The following STYK1 variants were observed in gnomAD, a reference collection of about 807,000 sequenced individuals.
STYK1 encodes the protein STY kinase 1, also known as tyrosine-protein kinase STYK1.
A neutral mutation model predicts 48.1 loss-of-function variants in STYK1; 46 were observed. The observed-to-expected ratio is 0.96, with a 90% CI of 0.75 to 1.22. STYK1 has a LOEUF of 1.22. Among genes scored for constraint, STYK1 ranks in the 50% most tolerant of loss-of-function variants. STYK1 has a pLI of 0.00. For synonymous variants in STYK1, 188 were observed against 189.0 expected, an observed-to-expected ratio of 0.99 and a Z score of 0.04; for missense variants, 527 against 521.1, an observed-to-expected ratio of 1.01 and a Z score of -0.11.
Position 10,624,632 on chromosome 12 carries a change from G to T in STYK1, c.926+19C>A. 6.2e-7 allele frequency: 1 copy of T among 1,610,996 alleles called. No individual in the cohort carries two copies. Among genetic ancestry groups the T allele is most frequent in the Non-Finnish European group, 8.5e-7 (1 of 1,178,006 alleles). On this transcript the variant is annotated intron_variant, in intron 8 of 10. Coordinates refer to ENST00000075503, the MANE Select transcript of STYK1 (RefSeq NM_018423.3). ...AAGTCATGAAGAAAGTAAACTCAGAGTCCAGGAATAAACCGTACACATCTG... is the reference window on the plus strand; with the variant it reads ...AAGTCATGAAGAAAGTAAACTCAGATTCCAGGAATAAACCGTACACATCTG...
At chr12:10,638,099 T>A (rs1338300155) in intron 1 of STYK1, among the ~76,000 whole-genome samples, 6 of 152,252 alleles carry the variant, frequency 3.9e-5, no homozygotes, top group African/African-American at 1.4e-4. Context: ...ATGTTATGAA[T>A]AATGAAATCC....
chr12:10,665,487 C>T (rs1947824862), intron 1 of STYK1, among the ~76,000 whole-genome samples: 1 of 152,152 alleles, frequency 6.6e-6, no homozygotes, highest in Non-Finnish European at 1.5e-5. Flanking sequence ...GTTGAATCTC[C>T]ATCTGATGCT....
chr12:10,663,339 G>A lies in STYK1; in HGVS notation c.-195+10627C>T, dbSNP rs140406890. Among the ~76,000 whole-genome samples, 137 of 152,186 alleles carry A rather than the reference G, an allele frequency of 9.0e-4. 1 individual carries two copies. The East Asian group carries it at 0.025, about 27-fold the overall frequency. On this transcript the variant is annotated intron_variant, in intron 1 of 10. Coordinates refer to ENST00000075503, the MANE Select transcript of STYK1 (RefSeq NM_018423.3). Reference sequence around the variant, plus strand: ...TTTAAAATCATTAAAACTTACAGGCGCGGTGGCTCACGCCTGTTATCCCAG... The same window carrying A: ...TTTAAAATCATTAAAACTTACAGGCACGGTGGCTCACGCCTGTTATCCCAG...
In STYK1 at chr12:10,631,151, T is replaced by A. The variant is rs1947423438; in HGVS notation, c.345A>T (p.Glu115Asp). ...KLQVPREQLS[E>D]VLEQICSGSC... ...TACCACTGCAAATCTGCTCCAGAACTTCAGAGAGTTGCTCCCGCGGCACCT... is the reference window on the plus strand; with the variant it reads ...TACCACTGCAAATCTGCTCCAGAACATCAGAGAGTTGCTCCCGCGGCACCT... The change falls in exon 5 of 11, where the codon GAA (glutamate) becomes GAT (aspartate). Residue 115 changes from glutamate (E) to aspartate (D), a missense_variant. Transcript: ENST00000075503. 2 of 1,614,190 alleles carry A rather than the reference T, an allele frequency of 1.2e-6. No homozygotes were observed. Among genetic ancestry groups the A allele is most frequent in the Non-Finnish European group, 1.7e-6 (2 of 1,180,038 alleles).
intron 9 of STYK1, 76 bp downstream of exon 9, chr12:10,622,562 T>C: frequency 6.4e-7 from 1 of 1,550,938 alleles, no homozygotes; most frequent in Non-Finnish European, 8.9e-7. Flanking sequence ...TCAGAAAGCA[T>C]ACATCATCCA....
intron 1 of STYK1, among the ~76,000 whole-genome samples, chr12:10,669,407 C>T (rs923271539): frequency 6.8e-6 from 1 of 147,760 alleles, no homozygotes; most frequent in Non-Finnish European, 1.5e-5. Context: ...CTATACACAG[C>T]AGGCAAAACA....
chr12:10,669,058 C>T (rs551785967), intron 1 of STYK1, among the ~76,000 whole-genome samples: 20 of 152,146 alleles, frequency 1.3e-4, no homozygotes, highest in Non-Finnish European at 2.4e-4. Flanking sequence ...AGTTTAGGGA[C>T]CAGCTATTTT....
At chr12:10,624,597 G>T in intron 8 of STYK1, 54 bp downstream of exon 8, 1 of 1,531,418 alleles carries the variant, frequency 6.5e-7, no homozygotes, top group Non-Finnish European at 9.0e-7. Flanking sequence ...CATATTCAGG[G>T]ACAACACCCA....
chr12:10,668,543 T>A (rs915172500), intron 1 of STYK1, among the ~76,000 whole-genome samples: 2 of 105,336 alleles, frequency 1.9e-5, no homozygotes, highest in African/African-American at 7.5e-5. Context: ...ACCTGGCTTT[T>A]TTTTTTTTTT....
At position 10,621,897 on chromosome 12, in the gene STYK1, G is replaced by C. The variant is rs1470405876; in HGVS notation, c.1043C>G (p.Pro348Arg). The change falls in exon 10 of 11, where the codon CCC becomes CGC. Residue 348 changes from proline (P) to arginine (R), a missense_variant. Pro to Arg is a moderately radical substitution (Grantham distance 103). Transcript: ENST00000075503. ...HLQRRKIMKR[P>R]SSCTHTMYSI... The stretch of plus-strand genomic sequence containing the variant: ...TTACATGGTATGTGTGCAGCTACTG[G>C]GTCTCTTCATGATTTTCCTTCTTTG... The C allele has an allele frequency of 6.2e-7, 1 of 1,613,630 alleles. No individual in the cohort carries two copies. The highest frequency in any genetic ancestry group is 2.2e-5 in the East Asian group (1 of 44,874).
intron 1 of STYK1, among the ~76,000 whole-genome samples, chr12:10,643,493 A>G (rs533734090): frequency 1.2e-4 from 18 of 152,264 alleles, no homozygotes; most frequent in Non-Finnish European, 2.2e-4. Flanking sequence ...CACTTCTACA[A>G]TCTAGTTAGT....
At chr12:10,624,264 AG>A (rs1382716675) in intron 8 of STYK1, among the ~76,000 whole-genome samples, 3 of 150,012 alleles carry the variant, frequency 2.0e-5, no homozygotes, top group Non-Finnish European at 4.4e-5. Context: ...TAAAAAAAAA[AG>A]AAAAAAAAAA....
chr12:10,648,739 A>AT (rs1437507689), intron 1 of STYK1, among the ~76,000 whole-genome samples: 2 of 151,640 alleles, frequency 1.3e-5, no homozygotes, highest in Non-Finnish European at 2.9e-5. Context: ...CTAATTTTTA[A>AT]TTTTTTTGTA....
intron 4 of STYK1, among the ~76,000 whole-genome samples, chr12:10,633,596 G>A (rs748364464): frequency 2.6e-5 from 4 of 151,970 alleles, no homozygotes; most frequent in Admixed American, 6.6e-5. Flanking sequence ...CATATATCCT[G>A]GAGGCAAAGA....
At chr12:10,629,315 A>T (rs973114248) in intron 6 of STYK1, among the ~76,000 whole-genome samples, 178 bp downstream of exon 6, 82 of 152,320 alleles carry the variant, frequency 5.4e-4, no homozygotes, top group African/African-American at 1.9e-3. Flanking sequence ...TACTGGATGG[A>T]GCAGTTATAG....
Position 10,649,075 on chromosome 12 carries a change from A to T in STYK1, c.-194-11879T>A, listed in dbSNP as rs537400618. ...TATGTATGTTTTTTAAAAATGGAAG[A>T]TGTTTCTGAACACACAAGAAAATCT... is the stretch of plus-strand genomic sequence containing the variant. On this transcript the variant is annotated intron_variant, in intron 1 of 10. Transcript: ENST00000075503. Among the ~76,000 whole-genome samples, 675 of 152,282 alleles carry T rather than the reference A, an allele frequency of 4.4e-3. 4 individuals carry two copies. Among genetic ancestry groups the T allele is most frequent in the Non-Finnish European group, 7.6e-3 (517 of 68,020 alleles).
chr12:10,666,480 T>C (rs1476590703), intron 1 of STYK1, among the ~76,000 whole-genome samples: 2 of 152,240 alleles, frequency 1.3e-5, no homozygotes, highest in African/African-American at 2.4e-5. Flanking sequence ...ATTCAATGTC[T>C]GAGTGTACAA....
intron 1 of STYK1, among the ~76,000 whole-genome samples, chr12:10,657,221 T>C (rs879419962): frequency 4.6e-5 from 7 of 152,220 alleles, no homozygotes; most frequent in Non-Finnish European, 8.8e-5. Flanking sequence ...TATTAGGCTC[T>C]AGAAATTGCA....
intron 1 of STYK1, among the ~76,000 whole-genome samples, chr12:10,662,991 G>A (rs990308287): frequency 1.3e-5 from 2 of 152,124 alleles, no homozygotes; most frequent in African/African-American, 4.8e-5. Flanking sequence ...CAGGACTTTG[G>A]TTCATTTTGA....
Sources: allele counts gnomAD v4.1 joint callset (sites outside exome capture counted in the v4.1 genomes callset), GRCh38; gene constraint gnomAD v4.1.1; transcripts MANE v1.5; gene names NCBI Gene and HGNC (gene_info 2026-07-23, HGNC 2026-07-21).